WWOX: variants seen among roughly 807,000 people sequenced by gnomAD.
WWOX encodes the protein WW domain-containing oxidoreductase.
A neutral mutation model predicts 46.2 loss-of-function variants in WWOX; 69 were observed. That is an observed-to-expected ratio of 1.49 (90% CI 1.23 to 1.82). WWOX has a LOEUF of 1.82. Ranked by LOEUF, WWOX falls within the 40% of genes most tolerant of loss-of-function variation. WWOX has a pLI of 0.00. For synonymous variants in WWOX, 359 were observed against 202.6 expected (o/e 1.77, Z -6.56); for missense variants, 919 against 542.6 (o/e 1.69, Z -6.89).
intron 8 of WWOX, among the ~76,000 whole-genome samples, chr16:79,012,723 G>A (rs190634921): frequency 7.2e-5 from 11 of 152,308 alleles, no homozygotes; most frequent in East Asian, 5.8e-4. Flanking sequence ...AAAGCAGGAC[G>A]TATACGTGCC....
At chr16:78,351,076 A>G (rs1233363564) in intron 5 of WWOX, among the ~76,000 whole-genome samples, 1 of 152,124 alleles carries the variant, frequency 6.6e-6, no homozygotes, top group Non-Finnish European at 1.5e-5. Context: ...TCATATGATT[A>G]TTGGATGGAT....
intron 8 of WWOX, among the ~76,000 whole-genome samples, chr16:78,876,209 CT>C (rs5818183): frequency 0.31 from 45,170 of 148,044 alleles, 7,008 homozygotes; most frequent in Middle Eastern, 0.48. Context: ...TTTTTCCTTT[CT>C]TTTTTTTTTT....
chr16:78,656,107 G>A (rs1316973356), intron 8 of WWOX, among the ~76,000 whole-genome samples: 1 of 152,190 alleles, frequency 6.6e-6, no homozygotes, highest in East Asian at 1.9e-4. Flanking sequence ...GGATGGGGAA[G>A]AATCAAAATT....
chr16:78,576,490 C>T (rs183283365), intron 8 of WWOX, among the ~76,000 whole-genome samples: 11 of 152,240 alleles, frequency 7.2e-5, no homozygotes, highest in South Asian at 2.1e-4. Flanking sequence ...TTTTCCATTT[C>T]GGTTTCCTTA....
At chr16:78,874,991 G>T (rs1385891833) in intron 8 of WWOX, among the ~76,000 whole-genome samples, 3 of 152,114 alleles carry the variant, frequency 2.0e-5, no homozygotes, top group Non-Finnish European at 4.4e-5. Context: ...TGCCTTTGAG[G>T]ACTTGGCCTC....
chr16:79,013,901 C>T lies in WWOX; in HGVS notation c.1057-197707C>T, dbSNP rs527277659. 7.9e-5 allele frequency among the ~76,000 whole-genome samples: 12 copies of T among 152,258 alleles called. No individual in the cohort carries two copies. In the South Asian group the frequency reaches 2.1e-3, roughly 26 times the overall value. ...TAATCACATATTTTTCATTTGGTTT[C>T]CGGGTCCAGCGACAAGAACACCAGA... On this transcript the variant is annotated intron_variant, in intron 8 of 8. Transcript: ENST00000566780.
At chr16:78,871,651 G>C (rs1432098318) in intron 8 of WWOX, among the ~76,000 whole-genome samples, 1 of 152,224 alleles carries the variant, frequency 6.6e-6, no homozygotes, top group Non-Finnish European at 1.5e-5. Context: ...TCAGGCTGGA[G>C]TGCAGTAGTG....
intron 5 of WWOX, among the ~76,000 whole-genome samples, chr16:78,300,961 C>T (rs115538989): frequency 0.018 from 2,797 of 152,110 alleles, 95 homozygotes; most frequent in African/African-American, 0.064. Flanking sequence ...CCCACTTACC[C>T]ATCCATCCAT....
At position 78,348,339 on chromosome 16, in the gene WWOX, G is replaced by A. The variant is rs2081128150; in HGVS notation, c.517-38521G>A. Among the ~76,000 whole-genome samples the A allele has an allele frequency of 1.6e-5, 2 of 121,572 alleles. 1 individual carries two copies. The allele number at this position is 121,572 out of a possible 152,430, so 79.8% of individuals were successfully genotyped here. ...ATGTCACTTATATCCAGGAAAGAGT[G>A]GCAAAGAACCATCCCAGCAGATAGC... On this transcript the variant is annotated intron_variant, in intron 5 of 8. Transcript: ENST00000566780.
At chr16:78,680,835 G>C (rs557652966) in intron 8 of WWOX, among the ~76,000 whole-genome samples, 3 of 152,242 alleles carry the variant, frequency 2.0e-5, no homozygotes, top group East Asian at 3.9e-4. Context: ...TATTGGCCAG[G>C]CATGGTGGCT....
intron 4 of WWOX, among the ~76,000 whole-genome samples, chr16:78,117,668 A>G (rs575521846): frequency 6.6e-6 from 1 of 152,306 alleles, no homozygotes; most frequent in African/African-American, 2.4e-5. Flanking sequence ...GAAACATGCC[A>G]ATTTATAAAT....
chr16:78,467,236 C>G (rs897628025), intron 8 of WWOX, among the ~76,000 whole-genome samples: 1 of 152,092 alleles, frequency 6.6e-6, no homozygotes, highest in Non-Finnish European at 1.5e-5. Flanking sequence ...TGGCAGAGGG[C>G]TTTTTTCTGA....
chr16:78,216,379 G>A (rs919820779), intron 5 of WWOX, among the ~76,000 whole-genome samples: 6 of 152,158 alleles, frequency 3.9e-5, no homozygotes, highest in Non-Finnish European at 7.3e-5. Context: ...TCTGCTGGCC[G>A]CTGTAACACA....
At chr16:79,054,589 A>G (rs938623181) in intron 8 of WWOX, among the ~76,000 whole-genome samples, 2 of 152,214 alleles carry the variant, frequency 1.3e-5, no homozygotes, top group African/African-American at 4.8e-5. Context: ...GGGGCGGTCA[A>G]GGTGGGAAGA....
At chr16:78,388,734 C>G (rs2082113025) in intron 6 of WWOX, among the ~76,000 whole-genome samples, 1 of 149,218 alleles carries the variant, frequency 6.7e-6, no homozygotes, top group South Asian at 2.1e-4. Context: ...CTTTGTGAGG[C>G]CGAGGTGGGC....
At chr16:78,570,470 G>A (rs2044687954) in intron 8 of WWOX, among the ~76,000 whole-genome samples, 1 of 152,052 alleles carries the variant, frequency 6.6e-6, no homozygotes, top group African/African-American at 2.4e-5. Flanking sequence ...CACCATGCCT[G>A]CCTAATTTTT....
intron 8 of WWOX, among the ~76,000 whole-genome samples, chr16:79,191,475 G>A (rs1470219342): frequency 6.6e-6 from 1 of 151,970 alleles, no homozygotes; most frequent in Non-Finnish European, 1.5e-5. Flanking sequence ...TTATTTCAAA[G>A]TAGCTACAAC....
rs142318989 is a variant in WWOX at position 79,193,769 on chromosome 16, C to T, written c.1057-17839C>T. Reference sequence around the variant, plus strand: ...TTTAGGATACCTGAAGATTGCAAAGCCCAGCTCCTCACAAAGGGGGTGGCA... The same window carrying T: ...TTTAGGATACCTGAAGATTGCAAAGTCCAGCTCCTCACAAAGGGGGTGGCA... On this transcript the variant is annotated intron_variant, in intron 8 of 8. Transcript: ENST00000566780. Among the ~76,000 whole-genome samples, 111 of 152,266 alleles carry T rather than the reference C, an allele frequency of 7.3e-4. No individual in the cohort carries two copies. The Middle Eastern group carries it at 0.01, about 14-fold the overall frequency.
At chr16:79,042,648 C>A (rs775866711) in intron 8 of WWOX, among the ~76,000 whole-genome samples, 2 of 151,818 alleles carry the variant, frequency 1.3e-5, no homozygotes, top group Admixed American at 1.3e-4. Context: ...GTTAATCATA[C>A]GCATACAGTG....
Sources: gnomAD v4.1 joint callset for allele counts (sites outside exome capture counted in the v4.1 genomes callset) on GRCh38, gnomAD v4.1.1 for gene constraint, MANE v1.5 for transcripts, NCBI Gene and HGNC (gene_info 2026-07-23, HGNC 2026-07-21) for gene names.